USP46: variants seen among roughly 807,000 people sequenced by gnomAD.
USP46 encodes ubiquitin specific peptidase 46, also known as ubiquitin carboxyl-terminal hydrolase 46.
USP46 carries 12 observed loss-of-function variants against 44.4 expected under a neutral mutation model. That is an observed-to-expected ratio of 0.27 (90% CI 0.17 to 0.44). The LOEUF (loss-of-function observed/expected upper bound fraction) is 0.44, where lower values mean the gene tolerates loss of function less well. Among genes scored for constraint, USP46 ranks in the 20% least tolerant of loss-of-function variants. USP46 has a pLI of 1.00. For missense variants in USP46, 248 were observed against 444.8 expected (o/e 0.56, Z 3.98); for synonymous variants, 155 against 161.5 (o/e 0.96, Z 0.31).
chr4:52,626,091 G>A lies in USP46; in HGVS notation c.488C>T (p.Pro163Leu). 6.2e-7 allele frequency: 1 copy of A among 1,613,786 alleles called. No homozygotes were observed. Among genetic ancestry groups the A allele is most frequent in the Non-Finnish European group, 8.5e-7 (1 of 1,179,846 alleles). ...AATCTCATGGACCCAGGTGAGTTCT[G>A]GTTTATTATTTTCCGCAGGTTCGTT... ...NMNEPAENNK[P>L]ELTWVHEIFQ... The change falls in exon 4 of 9, where the codon CCA (proline) becomes CTA (leucine). Residue 163 changes from proline to leucine, a missense_variant. Pro to Leu is a moderately conservative substitution (Grantham distance 98). Around this residue, in one of 5 missense-constraint regions of USP46, gnomAD observed 37 missense variants for 30.6 expected, o/e 1.21. Transcript: ENST00000441222.
At chr4:52,607,923 A>G (rs534571119) in intron 5 of USP46, among the ~76,000 whole-genome samples, 17 of 152,316 alleles carry the variant, frequency 1.1e-4, no homozygotes, top group African/African-American at 4.1e-4. Flanking sequence ...TCTTTTCTTT[A>G]TAAATTACCC....
chr4:52,632,980 G>GAAAGAAAGAAGGAAAGAAAGAAAGA (rs1553891291), intron 1 of USP46, among the ~76,000 whole-genome samples: 1 of 71,434 alleles, frequency 1.4e-5, no homozygotes, highest in South Asian at 5.0e-4. Context: ...AAGAAAGAAA[G>GAAAGAAAGAAGGAAAGAAAGAAAGA]AAAGAAAAGA....
intron 1 of USP46, among the ~76,000 whole-genome samples, chr4:52,652,763 CTG>C (rs1287327267): frequency 8.6e-5 from 13 of 151,980 alleles, no homozygotes; most frequent in African/African-American, 3.1e-4. Flanking sequence ...AGTGGTCACT[CTG>C]TGGGGAGAGG....
Position 52,601,849 on chromosome 4 carries a change from G to T in USP46, c.920+8C>A. 2.5e-6 allele frequency: 4 copies of T among 1,611,722 alleles called. No individual in the cohort carries two copies. The South Asian group carries it at 4.4e-5, about 18-fold the overall frequency. Reference sequence around the variant, plus strand: ...ACCCTGTATACCTGCTTCCAGTCTTGCCCTTACCTGCCACAGTGAACGACC... The same window carrying T: ...ACCCTGTATACCTGCTTCCAGTCTTTCCCTTACCTGCCACAGTGAACGACC... On this transcript the variant is annotated splice_region_variant and intron_variant, in intron 7 of 8. Transcript: ENST00000441222.
chr4:52,630,519 C>A (rs113121002), intron 2 of USP46, among the ~76,000 whole-genome samples: 1 of 152,108 alleles, frequency 6.6e-6, no homozygotes. Context: ...CTTTGGGAGG[C>A]CGAAGCAGGT....
chr4:52,608,204 CAGAA>C (rs1716773439), intron 5 of USP46, among the ~76,000 whole-genome samples: 1 of 152,210 alleles, frequency 6.6e-6, no homozygotes, highest in South Asian at 2.1e-4. Flanking sequence ...TTAAAAAATG[CAGAA>C]AGACTGTTTC....
chr4:52,656,844 A>AG (rs1438143900), intron 1 of USP46, among the ~76,000 whole-genome samples: 3 of 151,994 alleles, frequency 2.0e-5, no homozygotes, highest in South Asian at 4.2e-4. Context: ...ATTAGGGACC[A>AG]GCCTGGGCAA....
At chr4:52,649,603 T>C (rs1343089838) in intron 1 of USP46, among the ~76,000 whole-genome samples, 3 of 152,218 alleles carry the variant, frequency 2.0e-5, no homozygotes, top group Non-Finnish European at 4.4e-5. Context: ...TGAATCCAAA[T>C]TGACATTTCA....
At chr4:52,623,651 T>A (rs1033318172) in intron 4 of USP46, among the ~76,000 whole-genome samples, 1 of 152,052 alleles carries the variant, frequency 6.6e-6, no homozygotes, top group South Asian at 2.1e-4. Context: ...AGGGGCCAGG[T>A]GCAGTGGCTC....
At chr4:52,636,705 CA>C (rs1182691689) in intron 1 of USP46, among the ~76,000 whole-genome samples, 1,060 of 36,184 alleles carry the variant, frequency 0.029, 1 homozygote, top group African/African-American at 0.06. Context: ...GACTCTGTCT[CA>C]AAAAAAAAAA....
intron 1 of USP46, chr4:52,656,624 G>C: frequency 2.5e-6 from 3 of 1,220,948 alleles, no homozygotes; most frequent in East Asian, 3.9e-5. Context: ...GACACTCACT[G>C]AGTTCTAGCC....
intron 1 of USP46, chr4:52,656,547 C>T: frequency 7.1e-7 from 1 of 1,405,572 alleles, no homozygotes; most frequent in Non-Finnish European, 9.2e-7. Context: ...TCTGAAATGG[C>T]ATGATCTCCA....
At chr4:52,609,217 A>G (rs1192871879) in intron 5 of USP46, among the ~76,000 whole-genome samples, 2 of 152,204 alleles carry the variant, frequency 1.3e-5, no homozygotes, top group African/African-American at 4.8e-5. Flanking sequence ...CTCTGAAACA[A>G]AAGTTCAGTC....
chr4:52,632,920 G>GA (rs1261419913), intron 1 of USP46, among the ~76,000 whole-genome samples: 2 of 39,090 alleles, frequency 5.1e-5, no homozygotes, highest in Admixed American at 6.3e-4. Context: ...GAAAGAAAGA[G>GA]AAAGAAAGAA....
chr4:52,607,764 C>A (rs1170863013), intron 5 of USP46, among the ~76,000 whole-genome samples: 2 of 152,152 alleles, frequency 1.3e-5, no homozygotes, highest in Non-Finnish European at 2.9e-5. Context: ...CCTCCTCCAA[C>A]CCCTGGCTTC....
chr4:52,629,703 C>T (rs781098446), intron 2 of USP46: 26 of 456,106 alleles, frequency 5.7e-5, no homozygotes, highest in South Asian at 3.3e-4. Context: ...GGGAAAGGAA[C>T]GAACATTTAC....
intron 1 of USP46, among the ~76,000 whole-genome samples, chr4:52,634,145 C>T (rs1718017972): frequency 6.7e-6 from 1 of 150,006 alleles, no homozygotes; most frequent in East Asian, 2.0e-4. Context: ...GACGCAGTCT[C>T]GCTGTGTCCC....
intron 1 of USP46, among the ~76,000 whole-genome samples, chr4:52,642,872 G>A (rs1048257699): frequency 7.2e-5 from 11 of 152,140 alleles, no homozygotes; most frequent in Non-Finnish European, 1.3e-4. Flanking sequence ...GAAATAATGT[G>A]CAATCTTTAC....
At chr4:52,631,694 GGA>G (rs1227155699) in intron 1 of USP46, among the ~76,000 whole-genome samples, 2 of 152,106 alleles carry the variant, frequency 1.3e-5, no homozygotes, top group African/African-American at 2.4e-5. Flanking sequence ...AAAGTGTGTT[GGA>G]GAGTTTATTT....
Sources: gnomAD v4.1 joint callset for allele counts (sites outside exome capture counted in the v4.1 genomes callset) on GRCh38, gnomAD v4.1.1 for gene constraint, gnomAD v4.1.1 regional missense constraint, MANE v1.5 for transcripts, NCBI Gene and HGNC (gene_info 2026-07-23, HGNC 2026-07-21) for gene names.